The following ERBB4 variants were observed in gnomAD, a reference collection of about 807,000 sequenced individuals.
ERBB4 encodes receptor tyrosine-protein kinase erbB-4.
A neutral mutation model predicts 158.0 loss-of-function variants in ERBB4; 42 were observed. The ratio of observed to expected loss-of-function variants is 0.27; its 90% CI spans 0.21 to 0.34. The LOEUF is 0.34. Among genes scored for constraint, ERBB4 ranks in the 10% least tolerant of loss-of-function variants. The probability of loss-of-function intolerance (pLI) is 1.00; values close to 1 mark genes in which losing one functional copy is unlikely to be tolerated. For missense variants in ERBB4, 1,333 were observed against 1,624.1 expected, an observed-to-expected ratio of 0.82 and a Z score of 3.08; for synonymous variants, 583 against 558.7, an observed-to-expected ratio of 1.04 and a Z score of -0.61.
At chr2:212,160,775 A>G (rs1250987832) in intron 1 of ERBB4, among the ~76,000 whole-genome samples, 1 of 152,024 alleles carries the variant, frequency 6.6e-6, no homozygotes, top group African/African-American at 2.4e-5. Context: ...ACCAAAGCCT[A>G]AGGCTCCCTG....
At chr2:211,722,799 C>T (rs961432062) in intron 6 of ERBB4, among the ~76,000 whole-genome samples, 17 of 152,106 alleles carry the variant, frequency 1.1e-4, no homozygotes, top group African/African-American at 4.1e-4. Flanking sequence ...TTAAAGTTAG[C>T]TAATAGTGAA....
chr2:211,402,915 A>G (rs2063075061), intron 25 of ERBB4, among the ~76,000 whole-genome samples: 1 of 151,804 alleles, frequency 6.6e-6, no homozygotes, highest in Admixed American at 6.6e-5. Flanking sequence ...CCTCCTACAT[A>G]TTTTCTAACC....
intron 3 of ERBB4, among the ~76,000 whole-genome samples, chr2:211,790,090 G>A (rs537001734): frequency 6.6e-6 from 1 of 152,092 alleles, no homozygotes; most frequent in South Asian, 2.1e-4. Context: ...GCAGAAGGGA[G>A]ACGTAAGACG....
chr2:212,327,441 C>G (rs1322276417), intron 1 of ERBB4, among the ~76,000 whole-genome samples: 1 of 151,878 alleles, frequency 6.6e-6, no homozygotes, highest in Non-Finnish European at 1.5e-5. Context: ...ACTAAGGATA[C>G]TCTTGGAGAC....
intron 1 of ERBB4, among the ~76,000 whole-genome samples, chr2:212,314,727 T>C (rs1022465713): frequency 1.5e-4 from 23 of 151,136 alleles, no homozygotes; most frequent in African/African-American, 5.1e-4. Flanking sequence ...TAATGAAAAG[T>C]ATTAGTCAAC....
chr2:212,389,431 C>G (rs2090783096), intron 1 of ERBB4, among the ~76,000 whole-genome samples: 1 of 151,868 alleles, frequency 6.6e-6, no homozygotes, highest in East Asian at 1.9e-4. Flanking sequence ...ATATCAAAAG[C>G]AAAACTACAT....
intron 1 of ERBB4, among the ~76,000 whole-genome samples, chr2:212,261,591 T>C (rs571507359): frequency 6.6e-6 from 1 of 151,894 alleles, no homozygotes; most frequent in Non-Finnish European, 1.5e-5. Flanking sequence ...TCAAAGGAAA[T>C]GAAGAAATAA....
At chr2:211,453,748 C>T (rs2064307545) in intron 20 of ERBB4, among the ~76,000 whole-genome samples, 1 of 152,126 alleles carries the variant, frequency 6.6e-6, no homozygotes, top group Non-Finnish European at 1.5e-5. Context: ...TTAGATCAGG[C>T]TGACATTAAA....
At chr2:211,411,874 A>G (rs1429917225) in intron 25 of ERBB4, among the ~76,000 whole-genome samples, 1 of 152,222 alleles carries the variant, frequency 6.6e-6, no homozygotes, top group Non-Finnish European at 1.5e-5. Flanking sequence ...CCAATAAATG[A>G]TAAAGCATGG....
At chr2:212,411,765 A>C (rs2106489088) in intron 1 of ERBB4, among the ~76,000 whole-genome samples, 1 of 152,238 alleles carries the variant, frequency 6.6e-6, no homozygotes, top group East Asian at 1.9e-4. Context: ...TTCTTCCTGA[A>C]GTTCCCCTGA....
At chr2:211,543,244 C>A (rs16846385) in intron 20 of ERBB4, among the ~76,000 whole-genome samples, 2,539 of 152,032 alleles carry the variant, frequency 0.017, 67 homozygotes, top group African/African-American at 0.058. Context: ...CTATTTCTAA[C>A]GGCAGCAACA....
At chr2:211,446,037 G>T (rs2064104290) in intron 20 of ERBB4, among the ~76,000 whole-genome samples, 2 of 152,178 alleles carry the variant, frequency 1.3e-5, no homozygotes, top group South Asian at 4.1e-4. Flanking sequence ...CAAGATGGGG[G>T]GAGCTAATGT....
intron 15 of ERBB4, among the ~76,000 whole-genome samples, chr2:211,658,440 A>C (rs148094993): frequency 6.6e-6 from 1 of 152,202 alleles, no homozygotes; most frequent in East Asian, 1.9e-4. Flanking sequence ...CCTGATGCTC[A>C]ATGCTCATTA....
At chr2:211,703,117 G>GT (rs2073311865) in intron 11 of ERBB4, among the ~76,000 whole-genome samples, 1 of 151,576 alleles carries the variant, frequency 6.6e-6, no homozygotes, top group African/African-American at 2.4e-5. Context: ...ATGGTTGTCA[G>GT]GGTGTGTGTG....
In ERBB4 at chr2:211,430,865, G is replaced by GT. The variant is rs141267844; in HGVS notation, c.2643+79dup. On this transcript the variant is annotated intron_variant, in intron 21 of 27. Transcript: ENST00000342788. The stretch of plus-strand genomic sequence containing the variant: ...AATCTCCTAAGCTTCAGGCTTATTG[G>GT]TTTCTTGTATAAAATATAAGGAGAT... The GT allele has an allele frequency of 0.36, 456,711 of 1,255,250 alleles. 87,583 individuals carry two copies. The highest frequency in any genetic ancestry group is 0.41 in the Admixed American group (24,486 of 59,142). 77.8% of individuals were successfully genotyped at this position (1,255,250 alleles called of 1,614,324 possible).
intron 16 of ERBB4, among the ~76,000 whole-genome samples, chr2:211,647,696 C>A (rs1271732620): frequency 6.6e-6 from 1 of 151,652 alleles, no homozygotes; most frequent in Non-Finnish European, 1.5e-5. Flanking sequence ...TCCATTCACT[C>A]GAATTTCTGG....
intron 1 of ERBB4, among the ~76,000 whole-genome samples, chr2:212,518,946 A>G (rs1575071416): frequency 1.3e-5 from 2 of 152,052 alleles, no homozygotes; most frequent in East Asian, 3.9e-4. Context: ...GACTACTCCA[A>G]ATAGGGATCA....
intron 20 of ERBB4, among the ~76,000 whole-genome samples, chr2:211,523,542 G>A (rs2066247741): frequency 6.6e-6 from 1 of 151,798 alleles, no homozygotes; most frequent in Admixed American, 6.6e-5. Flanking sequence ...TCCTTCTGGT[G>A]GGTTCGTGGT....
intron 19 of ERBB4, among the ~76,000 whole-genome samples, chr2:211,617,490 C>A (rs1333725822): frequency 6.6e-6 from 1 of 151,942 alleles, no homozygotes; most frequent in Non-Finnish European, 1.5e-5. Flanking sequence ...GAGAAAGAAA[C>A]AATATTTAGT....
Sources: allele counts gnomAD v4.1 joint callset (sites outside exome capture counted in the v4.1 genomes callset), GRCh38; gene constraint gnomAD v4.1.1; transcripts MANE v1.5; gene names NCBI Gene and HGNC (gene_info 2026-07-23, HGNC 2026-07-21).